Variants in ANGPT1 observed in about 807,000 individuals in gnomAD.
ANGPT1 encodes angiopoietin 1.
Under a neutral mutation model 62.2 loss-of-function variants are expected in ANGPT1, and 17 were observed. That is an observed-to-expected ratio of 0.27 (90% CI 0.19 to 0.41). ANGPT1 has a LOEUF of 0.41. Ranked by LOEUF, ANGPT1 falls within the 10% of genes least tolerant of loss-of-function variation. The pLI, the probability that ANGPT1 is intolerant of heterozygous loss-of-function variation, is 1.00. For missense variants in ANGPT1, 478 were observed against 594.9 expected (o/e 0.80, Z 2.04); for synonymous variants, 199 against 198.9 (o/e 1.00, Z 0.00).
chr8:107,295,545 T>C (rs1374670270), intron 5 of ANGPT1: 1 of 152,058 alleles, frequency 6.6e-6, no homozygotes, highest in Non-Finnish European at 1.5e-5. Context: ...TAGTGACTGA[T>C]CCCATAGAAT....
At chr8:107,431,207 T>C (rs1454149656) in intron 1 of ANGPT1, among the ~76,000 whole-genome samples, 1 of 152,208 alleles carries the variant, frequency 6.6e-6, no homozygotes, top group African/African-American at 2.4e-5. Context: ...TTGTATATAG[T>C]ATATTGGTCA....
intron 1 of ANGPT1, among the ~76,000 whole-genome samples, chr8:107,492,421 C>T (rs1003758182): frequency 7.2e-5 from 11 of 152,104 alleles, no homozygotes; most frequent in Admixed American, 2.0e-4. Context: ...CTGCAACCTC[C>T]GCCTCCTGGG....
intron 8 of ANGPT1, among the ~76,000 whole-genome samples, chr8:107,252,886 C>T (rs1220809957): frequency 6.6e-6 from 1 of 152,014 alleles, no homozygotes. Context: ...AGATTTATGC[C>T]AGAGACATTC....
chr8:107,262,502 C>G (rs944072421), intron 8 of ANGPT1, among the ~76,000 whole-genome samples: 1 of 152,310 alleles, frequency 6.6e-6, no homozygotes, highest in South Asian at 2.1e-4. Context: ...AGATGAGTTT[C>G]TCTCCCTGCT....
At chr8:107,266,117 C>G (rs1188430562) in intron 7 of ANGPT1, among the ~76,000 whole-genome samples, 1 of 152,136 alleles carries the variant, frequency 6.6e-6, no homozygotes, top group Non-Finnish European at 1.5e-5. Flanking sequence ...CTACAAGTAA[C>G]TGGTGATGCA....
chr8:107,480,106 C>T (rs1284768288), intron 1 of ANGPT1, among the ~76,000 whole-genome samples: 1 of 152,056 alleles, frequency 6.6e-6, no homozygotes, highest in Non-Finnish European at 1.5e-5. Context: ...TTTTCAATGC[C>T]TGTTATAGTG....
intron 7 of ANGPT1, among the ~76,000 whole-genome samples, chr8:107,268,427 TGTG>T (rs1008268424): frequency 1.2e-4 from 18 of 151,756 alleles, no homozygotes; most frequent in Admixed American, 8.6e-4. Flanking sequence ...TGTGTGTGTG[TGTG>T]TGTGTGTGTG....
intron 1 of ANGPT1, among the ~76,000 whole-genome samples, chr8:107,416,595 T>G (rs538687905): frequency 6.6e-6 from 1 of 152,058 alleles, no homozygotes; most frequent in African/African-American, 2.4e-5. Context: ...CAGGCAGGAT[T>G]GAAGCATGGA....
At chr8:107,424,913 C>T (rs898158838) in intron 1 of ANGPT1, among the ~76,000 whole-genome samples, 12 of 152,168 alleles carry the variant, frequency 7.9e-5, no homozygotes, top group Admixed American at 2.0e-4. Flanking sequence ...TCTCTCTTGT[C>T]GCCCAGGCTG....
At chr8:107,301,206 AT>A (rs1388676468) in intron 5 of ANGPT1, among the ~76,000 whole-genome samples, 5 of 151,922 alleles carry the variant, frequency 3.3e-5, no homozygotes, top group Non-Finnish European at 7.4e-5. Context: ...TTTGGGAATT[AT>A]TTTTCGATTC....
chr8:107,467,467 G>A (rs940138528), intron 1 of ANGPT1, among the ~76,000 whole-genome samples: 3 of 152,106 alleles, frequency 2.0e-5, no homozygotes, highest in Admixed American at 6.6e-5. Context: ...AAACAAAAGA[G>A]TATGGATAAG....
intron 7 of ANGPT1, among the ~76,000 whole-genome samples, chr8:107,275,769 G>A (rs1284000960): frequency 4.6e-5 from 7 of 152,150 alleles, no homozygotes; most frequent in Non-Finnish European, 8.8e-5. Context: ...GGGGAACCTA[G>A]AGCAGTGGAT....
chr8:107,290,639 A>C (rs149270480), intron 6 of ANGPT1, among the ~76,000 whole-genome samples: 2 of 152,372 alleles, frequency 1.3e-5, no homozygotes, highest in African/African-American at 4.8e-5. Context: ...TCAATTAAAA[A>C]AATTCAGCCT....
intron 1 of ANGPT1, among the ~76,000 whole-genome samples, chr8:107,432,267 T>C (rs1811207823): frequency 6.6e-6 from 1 of 152,226 alleles, no homozygotes. Context: ...ATTATTCCTT[T>C]TCTATAACGA....
At chr8:107,489,581 A>T (rs1276123884) in intron 1 of ANGPT1, among the ~76,000 whole-genome samples, 1 of 152,212 alleles carries the variant, frequency 6.6e-6, no homozygotes, top group African/African-American at 2.4e-5. Flanking sequence ...AACTAAGACC[A>T]AATGAATCTA....
At chr8:107,282,009 A>G (rs1423372580) in intron 7 of ANGPT1, among the ~76,000 whole-genome samples, 1 of 151,438 alleles carries the variant, frequency 6.6e-6, no homozygotes, top group African/African-American at 2.4e-5. Flanking sequence ...GGGAGGCATT[A>G]ATGGGCCTAG....
intron 1 of ANGPT1, among the ~76,000 whole-genome samples, chr8:107,382,235 A>G (rs1816652383): frequency 6.6e-6 from 1 of 152,230 alleles, no homozygotes. Context: ...AGAAAAATTT[A>G]AAAAGAAATT....
intron 1 of ANGPT1, among the ~76,000 whole-genome samples, chr8:107,406,272 A>G (rs755786787): frequency 6.6e-6 from 1 of 151,892 alleles, no homozygotes. Context: ...TTTACATAGT[A>G]AAGACAGTAA....
intron 1 of ANGPT1, among the ~76,000 whole-genome samples, chr8:107,470,885 G>T (rs532637103): frequency 6.6e-6 from 1 of 152,254 alleles, no homozygotes; most frequent in Admixed American, 6.5e-5. Flanking sequence ...ATCATAAAAA[G>T]TCAGGAAACA....
Sources: allele counts gnomAD v4.1 joint callset (sites outside exome capture counted in the v4.1 genomes callset), GRCh38; gene constraint gnomAD v4.1.1; transcripts MANE v1.5; gene names NCBI Gene and HGNC (gene_info 2026-07-23, HGNC 2026-07-21).